Variants in SUPT3H observed in about 807,000 individuals in gnomAD.
SUPT3H encodes transcription initiation protein SPT3 homolog.
Under a neutral mutation model 44.3 loss-of-function variants are expected in SUPT3H, and 44 were observed. The ratio of observed to expected loss-of-function variants is 0.99; its 90% CI spans 0.78 to 1.28. The LOEUF is 1.28. Ranked by LOEUF, SUPT3H falls within the 50% of genes most tolerant of loss-of-function variation. The pLI is 0.00. For synonymous variants in SUPT3H, 124 were observed against 125.6 expected (o/e 0.99, Z 0.09); for missense variants, 380 against 387.1 (o/e 0.98, Z 0.15).
intron 9 of SUPT3H, among the ~76,000 whole-genome samples, chr6:44,951,563 C>A (rs1275333328): frequency 2.0e-5 from 3 of 152,096 alleles, no homozygotes; most frequent in Non-Finnish European, 2.9e-5. Context: ...AAGTTTGAGG[C>A]TTATACTAAC....
chr6:45,323,029 A>G (rs1359433104), intron 2 of SUPT3H: 2 of 956,210 alleles, frequency 2.1e-6, no homozygotes, highest in Non-Finnish European at 1.6e-6. Flanking sequence ...ACAGACAGAC[A>G]TACGATGATA....
At chr6:44,991,712 T>C (rs1780640797) in intron 6 of SUPT3H, among the ~76,000 whole-genome samples, 1 of 152,102 alleles carries the variant, frequency 6.6e-6, no homozygotes, top group South Asian at 2.1e-4. Context: ...GCACATTTTC[T>C]ATAAAGTAGT....
chr6:45,366,564 T>A (rs1795169009), intron 1 of SUPT3H, among the ~76,000 whole-genome samples: 1 of 152,208 alleles, frequency 6.6e-6, no homozygotes, highest in African/African-American at 2.4e-5. Flanking sequence ...CCCTCCTTTA[T>A]CTGCTAAAAA....
At chr6:45,235,002 T>C (rs1407655171) in intron 2 of SUPT3H, among the ~76,000 whole-genome samples, 1 of 152,106 alleles carries the variant, frequency 6.6e-6, no homozygotes. Context: ...AAAATACCTC[T>C]CATGAGAATT....
chr6:45,176,788 C>G (rs1366064253), intron 2 of SUPT3H, among the ~76,000 whole-genome samples: 1 of 152,214 alleles, frequency 6.6e-6, no homozygotes, highest in East Asian at 1.9e-4. Context: ...AGCAGCCTAA[C>G]TAGGAGGCAC....
intron 10 of SUPT3H, among the ~76,000 whole-genome samples, chr6:44,882,464 G>A (rs964582254): frequency 4.6e-5 from 7 of 152,158 alleles, no homozygotes; most frequent in African/African-American, 2.4e-5. Flanking sequence ...GTACAAGGAG[G>A]AATTGGTAAC....
intron 3 of SUPT3H, among the ~76,000 whole-genome samples, chr6:45,032,843 C>A (rs1006066458): frequency 6.6e-6 from 1 of 152,092 alleles, no homozygotes; most frequent in South Asian, 2.1e-4. Context: ...TATAAGAAGG[C>A]GGCTTCCTTT....
intron 2 of SUPT3H, among the ~76,000 whole-genome samples, chr6:45,171,874 C>A (rs1042677557): frequency 1.3e-5 from 2 of 151,292 alleles, no homozygotes; most frequent in African/African-American, 4.9e-5. Context: ...TGCAACACCA[C>A]GCCCAGCTAA....
intron 2 of SUPT3H, among the ~76,000 whole-genome samples, chr6:45,137,813 T>C (rs954579027): frequency 1.3e-5 from 2 of 152,052 alleles, no homozygotes; most frequent in African/African-American, 4.8e-5. Context: ...CATGCAAATA[T>C]ACTAAACACC....
intron 2 of SUPT3H, among the ~76,000 whole-genome samples, chr6:45,251,626 AAAG>A (rs1772389796): frequency 6.6e-6 from 1 of 152,150 alleles, no homozygotes; most frequent in African/African-American, 2.4e-5. Context: ...TAACAGAAAA[AAAG>A]AAGGTATTTT....
intron 2 of SUPT3H, among the ~76,000 whole-genome samples, chr6:45,231,555 C>G (rs1768051903): frequency 6.6e-6 from 1 of 152,148 alleles, no homozygotes; most frequent in Non-Finnish European, 1.5e-5. Flanking sequence ...GGCAATTTCA[C>G]TATAATGTGG....
chr6:44,816,342 C>A (rs1216439656), intron 11 of SUPT3H, among the ~76,000 whole-genome samples: 1 of 152,110 alleles, frequency 6.6e-6, no homozygotes. Context: ...ATTTAATGAA[C>A]AACTTTATGC....
At chr6:45,197,926 C>T (rs1455211822) in intron 2 of SUPT3H, among the ~76,000 whole-genome samples, 1 of 151,234 alleles carries the variant, frequency 6.6e-6, no homozygotes, top group Non-Finnish European at 1.5e-5. Flanking sequence ...CAATTAGCAT[C>T]TATTCAGACT....
Position 45,105,921 on chromosome 6 carries a change from C to A in SUPT3H, c.186+1G>T. ...CCAAATCAAATTATATATGCTCTTACCAGATTAATTAACTGAGTGTGTACC... is the reference window on the plus strand; with the variant it reads ...CCAAATCAAATTATATATGCTCTTAACAGATTAATTAACTGAGTGTGTACC... On this transcript the variant is annotated splice_donor_variant, in intron 3 of 10. Coordinates refer to ENST00000371459, the MANE Select transcript of SUPT3H (RefSeq NM_003599.4). LOFTEE classifies it high-confidence loss of function. 1.2e-6 allele frequency: 2 copies of A among 1,611,210 alleles called. No homozygotes were observed. The highest frequency in any genetic ancestry group is 1.7e-6 in the Non-Finnish European group (2 of 1,177,886).
chr6:45,035,813 T>A (rs1403827238), intron 3 of SUPT3H, among the ~76,000 whole-genome samples: 1 of 151,524 alleles, frequency 6.6e-6, no homozygotes, highest in African/African-American at 2.4e-5. Flanking sequence ...ATATTAGTAA[T>A]TAACTAAGAC....
At chr6:44,970,814 A>G (rs1350395287) in intron 6 of SUPT3H, among the ~76,000 whole-genome samples, 1 of 152,214 alleles carries the variant, frequency 6.6e-6, no homozygotes, top group Non-Finnish European at 1.5e-5. Context: ...AAAGCCATTA[A>G]TTCATAAAAT....
rs1390072012 is a variant in SUPT3H at position 44,870,332 on chromosome 6, C to CAT, written c.913-40477_913-40476dup. Among the ~76,000 whole-genome samples, 4 of 152,266 alleles carry CAT rather than the reference C, an allele frequency of 2.6e-5. No individual in the cohort carries two copies. The South Asian group carries it at 8.3e-4, about 32-fold the overall frequency. ...TGTATGTCGGCCAGGCGTGGTGGTT[C>CAT]ATGCCTGTAATCCCAGCACTTCGTG... On this transcript the variant is annotated intron_variant, in intron 10 of 10. Transcript: ENST00000371459.
At chr6:45,131,008 C>T (rs909235402) in intron 2 of SUPT3H, among the ~76,000 whole-genome samples, 7 of 151,942 alleles carry the variant, frequency 4.6e-5, no homozygotes, top group Non-Finnish European at 8.8e-5. Flanking sequence ...TGAGCCACCA[C>T]GCCCAGCCAA....
intron 2 of SUPT3H, among the ~76,000 whole-genome samples, chr6:45,178,447 C>A (rs554737919): frequency 6.6e-6 from 1 of 151,930 alleles, no homozygotes; most frequent in East Asian, 1.9e-4. Flanking sequence ...GAGACTTAGA[C>A]TCCCACACAT....
Sources: gnomAD v4.1 joint callset for allele counts (sites outside exome capture counted in the v4.1 genomes callset) on GRCh38, gnomAD v4.1.1 for gene constraint, MANE v1.5 for transcripts, NCBI Gene and HGNC (gene_info 2026-07-23, HGNC 2026-07-21) for gene names.